ARHGAP32: variants seen among roughly 807,000 people sequenced by gnomAD.
ARHGAP32 encodes the protein Rho GTPase activating protein 32, also known as rho GTPase-activating protein 32.
Under a neutral mutation model 186.5 loss-of-function variants are expected in ARHGAP32, and 51 were observed. The observed-to-expected ratio is 0.27, with a 90% CI of 0.22 to 0.35. The LOEUF is 0.35. Ranked by LOEUF, ARHGAP32 falls within the 10% of genes least tolerant of loss-of-function variation. The pLI is 1.00. For synonymous variants in ARHGAP32, 950 were observed against 964.3 expected (o/e 0.99, Z 0.27); for missense variants, 2,186 against 2,623.5 (o/e 0.83, Z 3.64).
In ARHGAP32 at chr11:129,256,893, C is replaced by A. The variant is rs574862810; in HGVS notation, c.-5+22253G>T. Among the ~76,000 whole-genome samples the A allele has an allele frequency of 2.0e-5, 3 of 152,204 alleles. No individual in the cohort carries two copies. In the South Asian group the frequency reaches 6.2e-4, roughly 32 times the overall value. On this transcript the variant is annotated intron_variant, in intron 1 of 6. Coordinates refer to the ARHGAP32 transcript ENST00000525234. ...AAGAACATAAGGGCTAAGACTTCCG[C>A]GAATCTCTTAGCCTTTCCCTAAAAG...
intron 18 of ARHGAP32, 21 bp from the exon 19 acceptor site, chr11:128,978,936 T>C (rs1461391948): frequency 6.3e-7 from 1 of 1,593,086 alleles, no homozygotes; most frequent in South Asian, 1.1e-5. Flanking sequence ...GAAAAAATAA[T>C]CAACATTAAG....
intron 1 of ARHGAP32, among the ~76,000 whole-genome samples, chr11:129,214,452 CAT>C (rs1301823828): frequency 1.3e-5 from 2 of 152,028 alleles, no homozygotes; most frequent in Non-Finnish European, 2.9e-5. Flanking sequence ...TGACAGAAAA[CAT>C]AACTAGAACT....
At chr11:129,192,003 C>T in intron 1 of ARHGAP32, 80 bp downstream of exon 1, 1 of 1,063,176 alleles carries the variant, frequency 9.4e-7, no homozygotes, top group African/African-American at 1.6e-5. Context: ...GGAAAAAAGA[C>T]CGAAATGCAG....
chr11:129,115,232 C>T (rs1315152020), intron 5 of ARHGAP32, among the ~76,000 whole-genome samples: 2 of 152,084 alleles, frequency 1.3e-5, no homozygotes, highest in African/African-American at 4.8e-5. Context: ...GAAAATACTA[C>T]TTTAAAACTA....
upstream of ARHGAP32, among the ~76,000 whole-genome samples, chr11:129,196,693 T>A (rs906719190): frequency 1.3e-5 from 2 of 152,104 alleles, no homozygotes; most frequent in African/African-American, 4.8e-5. Context: ...AGCCATCATA[T>A]TACAGGTGAA....
At chr11:129,165,487 A>C (rs1172080857) in intron 1 of ARHGAP32, among the ~76,000 whole-genome samples, 1 of 151,240 alleles carries the variant, frequency 6.6e-6, no homozygotes, top group African/African-American at 2.4e-5. Flanking sequence ...AAGTACGAGA[A>C]GAAAAATTAA....
intron 1 of ARHGAP32, among the ~76,000 whole-genome samples, chr11:129,179,486 C>T (rs573269564): frequency 1.1e-4 from 16 of 152,166 alleles, no homozygotes; most frequent in African/African-American, 3.1e-4. Flanking sequence ...TATAAAGACA[C>T]ATGCACACGT....
intron 1 of ARHGAP32, among the ~76,000 whole-genome samples, chr11:129,263,615 G>A (rs1231765176): frequency 5.4e-5 from 8 of 148,292 alleles, no homozygotes; most frequent in Non-Finnish European, 9.0e-5. Flanking sequence ...AATGGGGAGC[G>A]GGGAGAGGGG....
chr11:129,149,669 C>G (rs1350413235), intron 2 of ARHGAP32, among the ~76,000 whole-genome samples: 1 of 152,128 alleles, frequency 6.6e-6, no homozygotes, highest in African/African-American at 2.4e-5. Flanking sequence ...TCCACTTAAA[C>G]AGACTACCAA....
At chr11:129,209,730 G>T (rs2135589908) in intron 1 of ARHGAP32, among the ~76,000 whole-genome samples, 1 of 151,552 alleles carries the variant, frequency 6.6e-6, no homozygotes, top group Non-Finnish European at 1.5e-5. Flanking sequence ...AGAAAGTAAA[G>T]ATTTTTCTTC....
At chr11:129,164,464 T>G in intron 1 of ARHGAP32, 37 bp from the exon 2 acceptor site, 2 of 1,221,266 alleles carry the variant, frequency 1.6e-6, no homozygotes, top group Non-Finnish European at 2.3e-6. Flanking sequence ...GATAAGAATT[T>G]CCAATTCTAT....
chr11:129,185,720 T>C (rs1944146547), intron 1 of ARHGAP32, among the ~76,000 whole-genome samples: 1 of 152,008 alleles, frequency 6.6e-6, no homozygotes, highest in Non-Finnish European at 1.5e-5. Flanking sequence ...AGTATGAGAC[T>C]GAGAGAAGGA....
rs553492529 is a variant in ARHGAP32, at chr11:129,200,620, G to A, written c.-4-36193C>T. ...TTTTCTTTATAAATTACCCAGTCTC[G>A]GGTATGTCTTTATCAGCAGCATGAA... On this transcript the variant is annotated intron_variant, in intron 1 of 6. Coordinates refer to the ARHGAP32 transcript ENST00000525234. Among the ~76,000 whole-genome samples the A allele has an allele frequency of 7.2e-5, 11 of 152,062 alleles. No homozygotes were observed. In the South Asian group the frequency reaches 1.5e-3, roughly 20 times the overall value.
At position 128,972,609 on chromosome 11, in the gene ARHGAP32, T is replaced by C; in HGVS notation, c.3897A>G (p.Gln1299=). 1 of 1,609,022 alleles carries C rather than the reference T, an allele frequency of 6.2e-7. No homozygotes were observed. ...TKEASWDVAE[Q]PTTADFAAAT... ...CAGCAGCAAAATCAGCAGTGGTGGGTTGTTCAGCCACATCCCAGCTGGCTT... is the reference window on the plus strand; with the variant it reads ...CAGCAGCAAAATCAGCAGTGGTGGGCTGTTCAGCCACATCCCAGCTGGCTT... Residue 1299 remains glutamine, a synonymous_variant, in exon 22 of 23, where the codon CAA becomes CAG. Transcript: ENST00000682385.
At chr11:129,106,098 G>A (rs186084935) in intron 5 of ARHGAP32, among the ~76,000 whole-genome samples, 7 of 152,182 alleles carry the variant, frequency 4.6e-5, no homozygotes, top group African/African-American at 1.2e-4. Flanking sequence ...AGCCATTGTC[G>A]AAAGCAGTTT....
intron 2 of ARHGAP32, among the ~76,000 whole-genome samples, chr11:129,135,724 G>C (rs544811856): frequency 6.6e-6 from 1 of 151,840 alleles, no homozygotes; most frequent in Admixed American, 6.6e-5. Flanking sequence ...CTGAGATCGC[G>C]CCACTGCACT....
chr11:129,194,512 T>C (rs1411486046), upstream of ARHGAP32, among the ~76,000 whole-genome samples: 1 of 152,208 alleles, frequency 6.6e-6, no homozygotes, highest in Non-Finnish European at 1.5e-5. Context: ...GGGCAGTATG[T>C]GCAGTATGCT....
intron 10 of ARHGAP32, among the ~76,000 whole-genome samples, chr11:129,050,873 T>C (rs1440045149): frequency 2.0e-5 from 3 of 152,226 alleles, no homozygotes; most frequent in South Asian, 2.1e-4. Context: ...CTCCTGCTTA[T>C]GAGTGAGAAC....
chr11:129,029,053 AT>A (rs1348010086), intron 11 of ARHGAP32, among the ~76,000 whole-genome samples: 1 of 152,168 alleles, frequency 6.6e-6, no homozygotes, highest in Non-Finnish European at 1.5e-5. Flanking sequence ...AAATTAAAAG[AT>A]TTTTTTAAAT....
Sources: gnomAD v4.1 joint callset for allele counts (sites outside exome capture counted in the v4.1 genomes callset) on GRCh38, gnomAD v4.1.1 for gene constraint, MANE v1.5 for transcripts, NCBI Gene and HGNC (gene_info 2026-07-23, HGNC 2026-07-21) for gene names.